The following VPS13B variants were observed in gnomAD, a reference collection of about 807,000 sequenced individuals.
VPS13B encodes intermembrane lipid transfer protein VPS13B.
A neutral mutation model predicts 426.4 loss-of-function variants in VPS13B; 285 were observed. The observed-to-expected ratio is 0.67, with a 90% CI of 0.61 to 0.74. The LOEUF is 0.74. Ranked by LOEUF, VPS13B falls within the 30% of genes least tolerant of loss-of-function variation. VPS13B has a pLI of 0.00. For synonymous variants in VPS13B, 1,676 were observed against 1,676.4 expected, an observed-to-expected ratio of 1.00 and a Z score of 0.01; for missense variants, 4,537 against 4,782.6, an observed-to-expected ratio of 0.95 and a Z score of 1.51.
chr8:99,489,123 C>G (rs889245745), intron 25 of VPS13B, among the ~76,000 whole-genome samples: 1 of 152,184 alleles, frequency 6.6e-6, no homozygotes, highest in Non-Finnish European at 1.5e-5. Flanking sequence ...TTTCCCAGCA[C>G]TATTTATTAA....
At chr8:99,371,189 A>G (rs1813160030) in intron 19 of VPS13B, among the ~76,000 whole-genome samples, 1 of 152,208 alleles carries the variant, frequency 6.6e-6, no homozygotes. Context: ...GGCTAACACC[A>G]CAGTTTGTTG....
At chr8:99,821,624 A>G in intron 50 of VPS13B, 142 bp downstream of exon 50, 3 of 1,011,592 alleles carry the variant, frequency 3.0e-6, no homozygotes, top group Non-Finnish European at 4.5e-6. Flanking sequence ...TGATTTCTTA[A>G]CTTCTTAGAC....
chr8:99,326,551 C>T (rs1417816631), intron 19 of VPS13B, among the ~76,000 whole-genome samples: 2 of 141,110 alleles, frequency 1.4e-5, no homozygotes, highest in Admixed American at 1.5e-4. Flanking sequence ...CTCCCAGGCT[C>T]TCCTGCCCTG....
intron 19 of VPS13B, among the ~76,000 whole-genome samples, chr8:99,336,608 A>G (rs1343300548): frequency 1.3e-5 from 2 of 152,190 alleles, no homozygotes; most frequent in Non-Finnish European, 2.9e-5. Context: ...TTCGCAAGCT[A>G]CTCATCTGAC....
chr8:99,651,259 G>A (rs887971253), intron 34 of VPS13B, among the ~76,000 whole-genome samples: 2 of 152,098 alleles, frequency 1.3e-5, no homozygotes, highest in Admixed American at 6.6e-5. Flanking sequence ...AATTTTGAAA[G>A]TCCTATTAAT....
chr8:99,083,958 G>T (rs1436508548), intron 3 of VPS13B, among the ~76,000 whole-genome samples: 1 of 151,702 alleles, frequency 6.6e-6, no homozygotes, highest in Non-Finnish European at 1.5e-5. Context: ...GTATCAGGAT[G>T]ATGCTGGCCT....
In VPS13B at chr8:99,784,381, A is replaced by T. The variant is rs754124910; in HGVS notation, c.7846A>T (p.Thr2616Ser). The change falls in exon 43 of 62, where the codon ACA becomes TCA. Residue 2616 changes from threonine to serine, a missense_variant. Physicochemically the swap from Thr to Ser is moderately conservative, Grantham distance 58 (BLOSUM62 1). This residue lies in a region of VPS13B where 4,311 missense variants were observed against 4,474.3 expected (regional missense o/e 0.96). Transcript: ENST00000357162. ...HFVICNDTQE[T>S]LRFGQVDTDE... ...TGTGATCTGTAATGACACACAGGAG[A>T]CACTGCGGTTTGGCCAGGTGGATAC... is the stretch of plus-strand genomic sequence containing the variant. 2 of 1,613,662 alleles carry T rather than the reference A, an allele frequency of 1.2e-6. No homozygotes were observed. Among genetic ancestry groups the T allele is most frequent in the South Asian group, 2.2e-5 (2 of 91,078 alleles).
intron 19 of VPS13B, among the ~76,000 whole-genome samples, chr8:99,383,331 T>C (rs1181068958): frequency 6.6e-6 from 1 of 152,162 alleles, no homozygotes; most frequent in African/African-American, 2.4e-5. Flanking sequence ...TTCTTTCAAA[T>C]CATGAATCAA....
intron 25 of VPS13B, among the ~76,000 whole-genome samples, chr8:99,494,245 T>A (rs1820776310): frequency 6.6e-6 from 1 of 152,108 alleles, no homozygotes; most frequent in Admixed American, 6.6e-5. Flanking sequence ...TTCACAACAG[T>A]CTCCAGTATT....
chr8:99,213,548 G>C (rs1563607158), intron 17 of VPS13B, among the ~76,000 whole-genome samples: 1 of 152,068 alleles, frequency 6.6e-6, no homozygotes, highest in Non-Finnish European at 1.5e-5. Flanking sequence ...ATTTCTCTAA[G>C]AGCCTGCTTT....
chr8:99,426,092 G>A (rs1162266045), intron 21 of VPS13B, among the ~76,000 whole-genome samples: 1 of 133,718 alleles, frequency 7.5e-6, no homozygotes, highest in Non-Finnish European at 1.5e-5. Context: ...TCCCCAGAGT[G>A]TGATATTCCC....
intron 3 of VPS13B, among the ~76,000 whole-genome samples, chr8:99,070,908 A>T (rs556175295): frequency 1.3e-5 from 2 of 152,108 alleles, no homozygotes; most frequent in Middle Eastern, 3.4e-3. Context: ...TGTCAATTGA[A>T]TTTTTCAGCT....
At chr8:99,623,994 C>CATACATATATATATAT (rs1554877591) in intron 33 of VPS13B, among the ~76,000 whole-genome samples, 47 of 53,894 alleles carry the variant, frequency 8.7e-4, no homozygotes, top group Non-Finnish European at 9.6e-4. Context: ...ATGAAACATA[C>CATACATATATATATAT]ATATATATAT....
At chr8:99,314,119 G>A (rs1038288917) in intron 19 of VPS13B, among the ~76,000 whole-genome samples, 2 of 152,074 alleles carry the variant, frequency 1.3e-5, no homozygotes, top group Admixed American at 1.3e-4. Flanking sequence ...CGCTTCCCTG[G>A]TGAGGCGATG....
At chr8:99,499,041 T>A (rs1241241016) in intron 25 of VPS13B, among the ~76,000 whole-genome samples, 1 of 152,106 alleles carries the variant, frequency 6.6e-6, no homozygotes, top group Non-Finnish European at 1.5e-5. Flanking sequence ...GGATATAAAG[T>A]GTTTGCTCTT....
At chr8:99,534,754 C>T (rs1253683237) in intron 30 of VPS13B, among the ~76,000 whole-genome samples, 1 of 152,070 alleles carries the variant, frequency 6.6e-6, no homozygotes, top group African/African-American at 2.4e-5. Flanking sequence ...AAACATTGTG[C>T]TACTGTCTTA....
intron 3 of VPS13B, among the ~76,000 whole-genome samples, chr8:99,070,552 A>G (rs1342571569): frequency 6.6e-6 from 1 of 152,180 alleles, no homozygotes. Flanking sequence ...ATGGTACAGA[A>G]GTAAATAAGT....
At chr8:99,260,244 T>C (rs781276438) in intron 17 of VPS13B, among the ~76,000 whole-genome samples, 16 of 152,104 alleles carry the variant, frequency 1.1e-4, no homozygotes, top group Non-Finnish European at 1.9e-4. Flanking sequence ...GAAAAGATTC[T>C]TTATTTCTAT....
rs573987385 is a variant in VPS13B, at chr8:99,492,950, G to A, written c.3871-8737G>A. ...GCAGAAATCACCCATCTTCTGCGTC[G>A]ATCTCACTGGGAGCTGTAGGCTAGA... On this transcript the variant is annotated intron_variant, in intron 25 of 61. Transcript: ENST00000357162. 3.0e-4 allele frequency among the ~76,000 whole-genome samples: 45 copies of A among 152,276 alleles called. No individual in the cohort carries two copies. The South Asian group carries it at 3.1e-3, about 11-fold the overall frequency.
Sources: allele counts gnomAD v4.1 joint callset (sites outside exome capture counted in the v4.1 genomes callset), GRCh38; gene constraint gnomAD v4.1.1; regional missense constraint gnomAD v4.1.1; transcripts MANE v1.5; gene names NCBI Gene and HGNC (gene_info 2026-07-23, HGNC 2026-07-21).